CCT2: variants seen among roughly 807,000 people sequenced by gnomAD.
The protein encoded by CCT2 is T-complex protein 1 subunit beta.
In CCT2, 18 loss-of-function variants were observed where a neutral mutation model predicts 61.8. The ratio of observed to expected loss-of-function variants is 0.29; its 90% CI spans 0.20 to 0.43. The LOEUF is 0.43. Ranked by LOEUF, CCT2 falls within the 20% of genes least tolerant of loss-of-function variation. CCT2 has a pLI of 1.00. For synonymous variants in CCT2, 248 were observed against 215.9 expected (o/e 1.15, Z -1.30); for missense variants, 556 against 656.9 (o/e 0.85, Z 1.68).
intron 8 of CCT2, 66 bp downstream of exon 8, chr12:69,592,225 C>T: frequency 3.3e-6 from 3 of 899,184 alleles, no homozygotes; most frequent in Non-Finnish European, 3.5e-6. Flanking sequence ...GCCTGTAATC[C>T]TAGCAATTTG....
chr12:69,593,666 T>C (rs1881903026), intron 10 of CCT2, 53 bp downstream of exon 10: 3 of 1,108,966 alleles, frequency 2.7e-6, no homozygotes, highest in Admixed American at 1.8e-5. Context: ...CTCTTGAATT[T>C]GTTATTTGTT....
chr12:69,592,202 C>A, intron 8 of CCT2, 43 bp downstream of exon 8: 1 of 1,119,886 alleles, frequency 8.9e-7, no homozygotes, highest in Non-Finnish European at 1.3e-6. Flanking sequence ...ACTGCCCAGG[C>A]AGAGTGGCTC....
Position 69,585,843 on chromosome 12 carries a change from G to A in CCT2, c.3+319G>A, listed in dbSNP as rs1001295115. The A allele has an allele frequency of 3.5e-5, 46 of 1,314,572 alleles. No individual in the cohort carries two copies. In the Admixed American group the frequency reaches 1.2e-3, roughly 33 times the overall value. 81.4% of individuals were successfully genotyped at this position (1,314,572 alleles called of 1,614,324 possible). A position where few individuals can be genotyped will look rare whatever the true frequency, so the allele number is the denominator to read the frequency against. Reference sequence around the variant, plus strand: ...CCCGCTCCGCCCTCCTTCTAGGGGCGGAGCCTGGAGCGACGGGGTCTGAGC... The same window carrying A: ...CCCGCTCCGCCCTCCTTCTAGGGGCAGAGCCTGGAGCGACGGGGTCTGAGC... On this transcript the variant is annotated intron_variant, in intron 1 of 15. Transcript: ENST00000299300.
chr12:69,592,708 A>G lies in CCT2; in HGVS notation c.751-268A>G, dbSNP rs147050056. 1.6e-4 allele frequency: 45 copies of G among 286,506 alleles called. No individual in the cohort carries two copies. The East Asian group carries it at 3.4e-3, about 22-fold the overall frequency. 17.7% of individuals were successfully genotyped at this position (286,506 alleles called of 1,614,324 possible). A position where few individuals can be genotyped will look rare whatever the true frequency, so the allele number is the denominator to read the frequency against. ...TGGGAGGCCAGGCGGGCGGATCACAAGGTCAGGAGTTCAAGGCCAGACTGA... is the reference window on the plus strand; with the variant it reads ...TGGGAGGCCAGGCGGGCGGATCACAGGGTCAGGAGTTCAAGGCCAGACTGA... On this transcript the variant is annotated intron_variant, in intron 8 of 15. Coordinates refer to ENST00000299300, the MANE Select transcript of CCT2 (RefSeq NM_006431.3).
chr12:69,587,528 A>G lies in CCT2; in HGVS notation c.168A>G (p.Gly56=), dbSNP rs770424246. Residue 56 remains glycine, a synonymous_variant, in exon 4 of 16, where the codon GGA becomes GGG. Coordinates refer to ENST00000299300, the MANE Select transcript of CCT2 (RefSeq NM_006431.3). ...KGMDKILLSS[G]RDASLMVTND... ...AGGACAAAATTCTTCTAAGCAGTGG[A>G]CGAGATGCCTCTCTTATGGTAACCA... 6.2e-7 allele frequency: 1 copy of G among 1,612,418 alleles called. No homozygotes were observed. The highest frequency in any genetic ancestry group is 8.5e-7 in the Non-Finnish European group (1 of 1,178,458).
At chr12:69,597,023 C>A in intron 10 of CCT2, 133 bp from the exon 11 acceptor site, 4 of 683,662 alleles carry the variant, frequency 5.9e-6, no homozygotes, top group Admixed American at 2.8e-5. Context: ...AAAAGAGTGC[C>A]AGGAATATAA....
chr12:69,589,075 T>C (rs1235083303), intron 6 of CCT2: 1 of 202,124 alleles, frequency 4.9e-6, no homozygotes, highest in Non-Finnish European at 1.0e-5. Flanking sequence ...ACTACAGGCA[T>C]GTGCCATCAT....
At chr12:69,590,719 CTTTT>C (rs3970807) in intron 7 of CCT2, among the ~76,000 whole-genome samples, 1 of 140,080 alleles carries the variant, frequency 7.1e-6, no homozygotes, top group African/African-American at 2.7e-5. Flanking sequence ...TGTAGCATTT[CTTTT>C]TTTTTTTTTT....
rs1451545772 is a variant in CCT2, at chr12:69,599,901, G to T, written c.1474G>T (p.Gly492Cys). Residue 492 changes from glycine to cysteine, a missense_variant, in exon 15 of 16, where the codon GGT becomes TGT. Transcript: ENST00000299300. The stretch of plus-strand genomic sequence containing the variant: ...CACCATTGGAGATATGGCTATCCTG[G>T]GTATAACAGAAAGTTTTCAAGTGAA... Reference protein sequence around the residue: ...EGTIGDMAILGITESFQVKRQ... With the variant: ...EGTIGDMAILCITESFQVKRQ... The T allele has an allele frequency of 1.1e-5, 18 of 1,613,760 alleles. No homozygotes were observed. Among genetic ancestry groups the T allele is most frequent in the Non-Finnish European group, 1.5e-5 (18 of 1,179,820 alleles).
rs1881632825 is a variant in CCT2 at position 69,585,818 on chromosome 12, C to A, written c.3+294C>A. The A allele has an allele frequency of 3.7e-6, 5 of 1,344,416 alleles. No individual in the cohort carries two copies. The East Asian group carries it at 1.5e-4, about 39-fold the overall frequency. The allele number at this position is 1,344,416 out of a possible 1,614,324, so 83.3% of individuals were successfully genotyped here. ...GAGCGAAGAAATTTCTAGTGTGGGA[C>A]CCGCTCCGCCCTCCTTCTAGGGGCG... is the stretch of plus-strand genomic sequence containing the variant. On this transcript the variant is annotated intron_variant, in intron 1 of 15. Transcript: ENST00000299300.
chr12:69,592,936 T>C (rs1448484413), intron 8 of CCT2, 40 bp from the exon 9 acceptor site: 1 of 1,594,550 alleles, frequency 6.3e-7, no homozygotes. Flanking sequence ...TCAAAAAAAA[T>C]AATGAAACTG....
At position 69,597,221 on chromosome 12, in the gene CCT2, G is replaced by A. The variant is rs11541105; in HGVS notation, c.1048G>A (p.Glu350Lys). The change falls in exon 11 of 16, where the codon GAG becomes AAG. Residue 350 changes from glutamate (E) to lysine (K), a missense_variant. By Grantham distance (56) the Glu-to-Lys change is moderately conservative. This residue lies in a region of CCT2 where 225 missense variants were observed against 249.8 expected (regional missense o/e 0.90). Transcript: ENST00000299300. ...GAAGCTTGGAAGTTGCAAACTTATCGAGGAAGTCATGATTGGAGAAGACAA... is the reference window on the plus strand; with the variant it reads ...GAAGCTTGGAAGTTGCAAACTTATCAAGGAAGTCATGATTGGAGAAGACAA... Reference protein sequence around the residue: ...LVKLGSCKLIEEVMIGEDKLI... With the variant: ...LVKLGSCKLIKEVMIGEDKLI... The A allele has an allele frequency of 3.1e-6, 5 of 1,613,836 alleles. No homozygotes were observed. Among genetic ancestry groups the A allele is most frequent in the Admixed American group, 1.7e-5 (1 of 60,006 alleles).
At chr12:69,586,932 G>T (rs1035039899) in intron 3 of CCT2, 114 bp downstream of exon 3, 5 of 637,360 alleles carry the variant, frequency 7.8e-6, no homozygotes, top group Non-Finnish European at 1.3e-5. Flanking sequence ...AATTATAAAA[G>T]ACAAGTATGT....
At chr12:69,589,877 TTGA>T (rs1460494903) in intron 7 of CCT2, 190 bp downstream of exon 7, 7 of 590,752 alleles carry the variant, frequency 1.2e-5, no homozygotes, top group Non-Finnish European at 1.8e-5. Context: ...TCCAGCATTG[TTGA>T]TGATCTCTAG....
intron 1 of CCT2, 109 bp downstream of exon 1, chr12:69,585,633 G>A (rs1439151792): frequency 1.3e-6 from 2 of 1,545,140 alleles, no homozygotes; most frequent in East Asian, 2.5e-5. Flanking sequence ...CTGTCTCCCC[G>A]GCCCTCCGCA....
chr12:69,589,570 C>T lies in CCT2; in HGVS notation c.532C>T (p.His178Tyr), dbSNP rs1019099160. ...AAAACTTCTTACTCATCACAAAGAC[C>T]ACTTTACAAAGTTAGCTGTAGAAGC... Reference protein sequence around the residue: ...SSKLLTHHKDHFTKLAVEAVL... With the variant: ...SSKLLTHHKDYFTKLAVEAVL... Residue 178 changes from histidine to tyrosine, a missense_variant, in exon 7 of 16, where the codon CAC becomes TAC. Physicochemically the swap from His to Tyr is moderately conservative, Grantham distance 83. Transcript: ENST00000299300. 3 of 1,613,960 alleles carry T rather than the reference C, an allele frequency of 1.9e-6. No homozygotes were observed. Among genetic ancestry groups the T allele is most frequent in the Admixed American group, 1.7e-5 (1 of 60,020 alleles).
chr12:69,588,041 T>G (rs2135850048), intron 5 of CCT2, 35 bp downstream of exon 5: 1 of 1,578,046 alleles, frequency 6.3e-7, no homozygotes, highest in Non-Finnish European at 8.7e-7. Flanking sequence ...TTTCCTACTG[T>G]GTTTTTGAGT....
intron 8 of CCT2, 139 bp from the exon 9 acceptor site, chr12:69,592,837 A>G (rs1881875524): frequency 3.2e-6 from 2 of 629,950 alleles, no homozygotes; most frequent in Admixed American, 6.8e-5. Context: ...CTGAGGCAGG[A>G]GAATCACTTG....
intron 11 of CCT2, 96 bp from the exon 12 acceptor site, chr12:69,597,542 T>A: frequency 7.7e-7 from 1 of 1,294,698 alleles, no homozygotes; most frequent in Non-Finnish European, 1.1e-6. Flanking sequence ...GGAAGACAGG[T>A]CAGCTTTCAG....
Sources: gnomAD v4.1 joint callset for allele counts (sites outside exome capture counted in the v4.1 genomes callset) on GRCh38, gnomAD v4.1.1 for gene constraint, gnomAD v4.1.1 regional missense constraint, MANE v1.5 for transcripts, NCBI Gene and HGNC (gene_info 2026-07-23, HGNC 2026-07-21) for gene names.